Variants in HDAC9 observed in about 807,000 individuals in gnomAD.
HDAC9 encodes the protein MEF-2 interacting transcription repressor (MITR) protein.
HDAC9 carries 41 observed loss-of-function variants against 139.4 expected under a neutral mutation model. The ratio of observed to expected loss-of-function variants is 0.29; its 90% CI spans 0.23 to 0.38. The LOEUF (loss-of-function observed/expected upper bound fraction) is 0.38, where lower values mean the gene tolerates loss of function less well. Among genes scored for constraint, HDAC9 ranks in the 10% least tolerant of loss-of-function variants. The probability of loss-of-function intolerance (pLI) is 1.00; values close to 1 mark genes in which losing one functional copy is unlikely to be tolerated. For missense variants in HDAC9, 1,147 were observed against 1,297.0 expected (o/e 0.88, Z 1.78); for synonymous variants, 517 against 476.2 (o/e 1.09, Z -1.12).
At chr7:18,414,724 TG>T (rs1324831177) in intron 1 of HDAC9, among the ~76,000 whole-genome samples, 8 of 152,196 alleles carry the variant, frequency 5.3e-5, no homozygotes, top group African/African-American at 1.9e-4. Flanking sequence ...AACATTGTAA[TG>T]GTAGGCACAA....
At chr7:18,630,067 T>C (rs1781870947) in intron 7 of HDAC9, among the ~76,000 whole-genome samples, 1 of 152,084 alleles carries the variant, frequency 6.6e-6, no homozygotes, top group Non-Finnish European at 1.5e-5. Context: ...TTTTTTTAGC[T>C]GCCTGTTTTA....
intron 24 of HDAC9, among the ~76,000 whole-genome samples, chr7:18,960,825 A>T (rs1430806091): frequency 6.6e-6 from 1 of 152,066 alleles, no homozygotes; most frequent in East Asian, 1.9e-4. Flanking sequence ...CATTTACATC[A>T]GATAATCCAG....
chr7:18,921,758 GCTA>G (rs1337597729), intron 22 of HDAC9, among the ~76,000 whole-genome samples: 1 of 151,986 alleles, frequency 6.6e-6, no homozygotes, highest in African/African-American at 2.4e-5. Context: ...AAATCATGCT[GCTA>G]TAAAGACACA....
intron 1 of HDAC9, among the ~76,000 whole-genome samples, chr7:18,109,603 C>CTTT (rs142992222): frequency 1.6e-4 from 23 of 147,554 alleles, no homozygotes; most frequent in African/African-American, 1.5e-4. Context: ...ATAAATAAAC[C>CTTT]TTTTTTTTTT....
At chr7:18,870,405 T>A (rs1798823889) in intron 21 of HDAC9, among the ~76,000 whole-genome samples, 1 of 152,174 alleles carries the variant, frequency 6.6e-6, no homozygotes, top group Non-Finnish European at 1.5e-5. Flanking sequence ...GTTTAATATT[T>A]CCTCATTATG....
intron 11 of HDAC9, among the ~76,000 whole-genome samples, chr7:18,650,096 A>C (rs907250560): frequency 6.6e-6 from 1 of 152,138 alleles, no homozygotes; most frequent in Non-Finnish European, 1.5e-5. Context: ...CATAATACTC[A>C]CTGACTTGTA....
intron 1 of HDAC9, among the ~76,000 whole-genome samples, chr7:18,098,800 A>G (rs1303773525): frequency 6.6e-6 from 1 of 152,196 alleles, no homozygotes; most frequent in African/African-American, 2.4e-5. Flanking sequence ...TAGATTTCAC[A>G]CAATGGGAGA....
intron 1 of HDAC9, among the ~76,000 whole-genome samples, chr7:18,342,296 TTC>T (rs1782077579): frequency 6.6e-6 from 1 of 151,790 alleles, no homozygotes; most frequent in Non-Finnish European, 1.5e-5. Flanking sequence ...ATTCTTCGGT[TTC>T]TGCTCACTGC....
chr7:18,974,039 C>T (rs746468301), intron 24 of HDAC9, among the ~76,000 whole-genome samples: 34 of 152,304 alleles, frequency 2.2e-4, no homozygotes, highest in Admixed American at 8.5e-4. Flanking sequence ...CCTACCATAG[C>T]AGTCTCATCC....
intron 16 of HDAC9, among the ~76,000 whole-genome samples, chr7:18,780,648 G>A (rs2588604): frequency 0.76 from 115,457 of 151,932 alleles, 44,669 homozygotes; most frequent in Non-Finnish European, 0.83. Context: ...GTATTGCAGG[G>A]CCCAAACAGG....
intron 22 of HDAC9, among the ~76,000 whole-genome samples, chr7:18,918,335 G>T (rs888243559): frequency 2.0e-5 from 3 of 151,706 alleles, no homozygotes; most frequent in Non-Finnish European, 4.4e-5. Context: ...GCTTGACATG[G>T]GGGGGATGGA....
chr7:18,476,467 A>G (rs1795119608), intron 1 of HDAC9, among the ~76,000 whole-genome samples: 1 of 151,740 alleles, frequency 6.6e-6, no homozygotes, highest in Non-Finnish European at 1.5e-5. Context: ...GTTTAATAGC[A>G]TGAGGCTAAG....
At chr7:18,655,349 AAAAAG>A (rs1329874329) in intron 11 of HDAC9, among the ~76,000 whole-genome samples, 1 of 152,178 alleles carries the variant, frequency 6.6e-6, no homozygotes, top group Non-Finnish European at 1.5e-5. Flanking sequence ...TTATAACAGT[AAAAAG>A]CCTCCTAGAT....
intron 1 of HDAC9, among the ~76,000 whole-genome samples, chr7:18,125,299 G>A (rs192114346): frequency 1.0e-3 from 158 of 152,186 alleles, no homozygotes; most frequent in African/African-American, 3.6e-3. Flanking sequence ...GGCTGTGAAG[G>A]CAACATCAAA....
At chr7:18,642,645 C>T (rs1786045257) in intron 8 of HDAC9, among the ~76,000 whole-genome samples, 1 of 152,088 alleles carries the variant, frequency 6.6e-6, no homozygotes, top group African/African-American at 2.4e-5. Flanking sequence ...AATGGAGCCA[C>T]TCAAGTTTTA....
intron 22 of HDAC9, among the ~76,000 whole-genome samples, chr7:18,930,975 G>C (rs1016851118): frequency 6.6e-6 from 1 of 152,060 alleles, no homozygotes; most frequent in Non-Finnish European, 1.5e-5. Flanking sequence ...CAGTGATTTG[G>C]TTTGTTCAGT....
intron 1 of HDAC9, among the ~76,000 whole-genome samples, chr7:18,439,590 A>G (rs1453792304): frequency 5.3e-5 from 8 of 152,114 alleles, no homozygotes. Context: ...TGGCTCAAAA[A>G]CTTCAGAGGT....
In HDAC9 at chr7:18,996,037, C is replaced by A; in HGVS notation, c.3185C>A (p.Pro1062His). The A allele has an allele frequency of 6.2e-7, 1 of 1,604,692 alleles. No individual in the cohort carries two copies. The highest frequency in any genetic ancestry group is 8.5e-7 in the Non-Finnish European group (1 of 1,175,570). Residue 1062 changes from proline (P) to histidine (H), a missense_variant, in exon 26 of 26, where the codon CCT becomes CAT. Pro to His is a moderately conservative substitution (Grantham distance 77). Transcript: ENST00000686413. ...TATTTTTACAGAACTGCTGGTGAGC[C>A]TATGGAAGAGGAGCCAGCCTTGTGA... ...AQEDSRTAGE[P>H]MEEEPAL
At chr7:18,809,431 C>CA (rs1360395793) in intron 17 of HDAC9, among the ~76,000 whole-genome samples, 2 of 151,776 alleles carry the variant, frequency 1.3e-5, no homozygotes, top group African/African-American at 4.8e-5. Flanking sequence ...AGTTACAAAC[C>CA]ATATATATGA....
Sources: allele counts gnomAD v4.1 joint callset (sites outside exome capture counted in the v4.1 genomes callset), GRCh38; gene constraint gnomAD v4.1.1; transcripts MANE v1.5; gene names NCBI Gene and HGNC (gene_info 2026-07-23, HGNC 2026-07-21).